GUCY2F: variants seen among roughly 807,000 people sequenced by gnomAD.
The protein encoded by GUCY2F is retinal guanylyl cyclase 2.
GUCY2F carries 61 observed loss-of-function variants against 73.1 expected under a neutral mutation model. That is an observed-to-expected ratio of 0.83 (90% CI 0.68 to 1.03). The LOEUF (loss-of-function observed/expected upper bound fraction) is 1.03, where lower values mean the gene tolerates loss of function less well. Ranked by LOEUF, GUCY2F falls within the 50% of genes least tolerant of loss-of-function variation. The pLI, the probability that GUCY2F is intolerant of heterozygous loss-of-function variation, is 0.00. For missense variants in GUCY2F, 912 were observed against 854.3 expected (o/e 1.07, Z -0.84); for synonymous variants, 331 against 307.8 (o/e 1.08, Z -0.79).
chrX:109,374,029 T>C lies in GUCY2F; in HGVS notation c.*2-1030A>G, dbSNP rs141560492. Among the ~76,000 whole-genome samples the C allele has an allele frequency of 4.2e-3, 471 of 112,332 alleles. 1 individual carries two copies. Among genetic ancestry groups the C allele is most frequent in the African/African-American group, 0.015 (459 of 30,933 alleles). The stretch of plus-strand genomic sequence containing the variant: ...TTTCAAGTTTTTCCTCAACATCTCT[T>C]ATGATGGTGGCAGCAAGTCAGTGGC... On this transcript the variant is annotated intron_variant, in intron 19 of 19. Transcript: ENST00000218006.
At position 109,388,507 on chromosome X, in the gene GUCY2F, G is replaced by A. The variant is rs767389454; in HGVS notation, c.2938C>T (p.Arg980Ter). 3.3e-5 allele frequency: 40 copies of A among 1,203,580 alleles called. No individual in the cohort carries two copies. Among genetic ancestry groups the A allele is most frequent in the Non-Finnish European group, 9.0e-6 (8 of 890,406 alleles). Residue 980 changes from arginine to a stop codon, truncating the protein, a stop_gained, in exon 15 of 20, where the codon CGA (arginine) becomes TGA (stop). Transcript: ENST00000218006. LOFTEE classifies it high-confidence loss of function. ...RHMPEVPVRI[R>*]IGLHSGPVVA... ...TTATTACCTGAGTGAAGGCCAATTC[G>A]AATTCGGACCGGCACTTCTGGCATG...
chrX:109,414,023 C>G (rs2147262882), intron 8 of GUCY2F, among the ~76,000 whole-genome samples: 1 of 110,908 alleles, frequency 9.0e-6, no homozygotes, highest in South Asian at 3.9e-4. Context: ...GCAATCTCAG[C>G]TCACTGCCAC....
chrX:109,475,777 T>C lies in GUCY2F; in HGVS notation c.160A>G (p.Lys54Glu). The C allele has an allele frequency of 8.3e-7, 1 of 1,208,667 alleles. No individual in the cohort carries two copies. The highest frequency in any genetic ancestry group is 1.1e-6 in the Non-Finnish European group (1 of 893,048). Reference sequence around the variant, plus strand: ...GCCCAAGGGCCCACCACCCCTATCTTGTAGGGGAGTGTCCACACCTGCTGC... The same window carrying C: ...GCCCAAGGGCCCACCACCCCTATCTCGTAGGGGAGTGTCCACACCTGCTGC... The part of the protein sequence containing the change: ...LPQQVWTLPY[K>E]IGVVGPWACD... Residue 54 changes from lysine (K) to glutamate (E), a missense_variant, in exon 2 of 20, where the codon AAG becomes GAG. Transcript: ENST00000218006.
chrX:109,465,839 T>G (rs1202590989), intron 2 of GUCY2F, among the ~76,000 whole-genome samples: 1 of 112,340 alleles, frequency 8.9e-6, no homozygotes, highest in Admixed American at 9.4e-5. Flanking sequence ...GATAACAATA[T>G]ATACTTATGG....
At chrX:109,438,336 G>T (rs1931799140) in intron 7 of GUCY2F, among the ~76,000 whole-genome samples, 1 of 112,061 alleles carries the variant, frequency 8.9e-6, no homozygotes, top group South Asian at 3.7e-4. Flanking sequence ...TTTTATAAGA[G>T]CCTTAATATC....
At chrX:109,425,680 G>A (rs947129742) in intron 8 of GUCY2F, among the ~76,000 whole-genome samples, 1 of 109,699 alleles carries the variant, frequency 9.1e-6, no homozygotes, top group Non-Finnish European at 1.9e-5. Context: ...AGAGATAAAC[G>A]ACTACAAATT....
At chrX:109,433,569 G>A (rs780166134) in intron 7 of GUCY2F, among the ~76,000 whole-genome samples, 205 of 111,529 alleles carry the variant, frequency 1.8e-3, no homozygotes, top group African/African-American at 6.3e-3. Flanking sequence ...GTCTGTGTGA[G>A]TTCTACTTCA....
chrX:109,384,970 A>C (rs1014600595), intron 16 of GUCY2F, among the ~76,000 whole-genome samples: 1 of 111,911 alleles, frequency 8.9e-6, no homozygotes, highest in Non-Finnish European at 1.9e-5. Flanking sequence ...TAGAGAAAGA[A>C]AGGTACATGT....
chrX:109,429,138 G>A (rs578242572), intron 8 of GUCY2F, among the ~76,000 whole-genome samples: 21 of 112,204 alleles, frequency 1.9e-4, no homozygotes, highest in Non-Finnish European at 3.2e-4. Context: ...TTGGCTGGGC[G>A]CGGTGGCTCA....
At chrX:109,388,722 G>A (rs1275487266) in intron 14 of GUCY2F, 59 bp from the exon 15 acceptor site, 1 of 810,523 alleles carries the variant, frequency 1.2e-6, no homozygotes. Context: ...TTTTAGCACA[G>A]AGCTGTAAGG....
chrX:109,437,859 A>T, intron 7 of GUCY2F, among the ~76,000 whole-genome samples: 1 of 112,810 alleles, frequency 8.9e-6, no homozygotes. Context: ...ATTCCATTTG[A>T]CATTCAAAAG....
chrX:109,429,402 G>A (rs1289554127), intron 8 of GUCY2F, among the ~76,000 whole-genome samples: 2 of 91,304 alleles, frequency 2.2e-5, no homozygotes, highest in South Asian at 5.1e-4. Flanking sequence ...CAACAAGAGC[G>A]AAATTCCAGC....
chrX:109,479,940 C>T (rs902276228), intron 1 of GUCY2F, among the ~76,000 whole-genome samples: 1 of 111,501 alleles, frequency 9.0e-6, no homozygotes, highest in African/African-American at 3.3e-5. Context: ...GAAAAGCAAG[C>T]ATGTACCTCA....
intron 6 of GUCY2F, among the ~76,000 whole-genome samples, chrX:109,446,784 T>C (rs1352783924): frequency 1.8e-5 from 2 of 111,880 alleles, no homozygotes; most frequent in African/African-American, 3.3e-5. Flanking sequence ...TGGGATCTAA[T>C]TAAACTAAAG....
At chrX:109,467,278 A>G (rs750339815) in intron 2 of GUCY2F, among the ~76,000 whole-genome samples, 1 of 112,232 alleles carries the variant, frequency 8.9e-6, no homozygotes, top group East Asian at 2.8e-4. Context: ...GTTTGGTCAA[A>G]TTAGTATAGT....
At chrX:109,411,619 T>C (rs1194873368) in intron 8 of GUCY2F, among the ~76,000 whole-genome samples, 1 of 111,432 alleles carries the variant, frequency 9.0e-6, no homozygotes, top group Non-Finnish European at 1.9e-5. Flanking sequence ...AAAAGCACAT[T>C]TGGGGGTGGA....
intron 1 of GUCY2F, among the ~76,000 whole-genome samples, chrX:109,476,264 T>C (rs1932694119): frequency 9.0e-6 from 1 of 111,508 alleles, no homozygotes; most frequent in Admixed American, 9.5e-5. Flanking sequence ...CTCCTTCTCT[T>C]CCCCCACATT....
Position 109,392,880 on chromosome X carries a change from G to A in GUCY2F, c.2588+12C>T, listed in dbSNP as rs377052982. 1 of 1,092,586 alleles carries A rather than the reference G, an allele frequency of 9.2e-7. No homozygotes were observed. The highest frequency in any genetic ancestry group is 1.3e-6 in the Non-Finnish European group (1 of 790,269). The allele number at this position is 1,092,586 out of a possible 1,213,427, so 90.0% of individuals were successfully genotyped here. On this transcript the variant is annotated intron_variant, in intron 13 of 19. Coordinates refer to ENST00000218006, the MANE Select transcript of GUCY2F (RefSeq NM_001522.3). ...TTATAAGGATTCACACTCCTCAGGTGTTCTCACATACGGTGGTAGCATCTG... is the reference window on the plus strand; with the variant it reads ...TTATAAGGATTCACACTCCTCAGGTATTCTCACATACGGTGGTAGCATCTG...
At chrX:109,378,002 T>C (rs1291531089) in intron 17 of GUCY2F, among the ~76,000 whole-genome samples, 2 of 111,028 alleles carry the variant, frequency 1.8e-5, no homozygotes, top group Non-Finnish European at 3.8e-5. Context: ...ACAATTTTGC[T>C]AAAGGGAGAA....
Sources: allele counts gnomAD v4.1 joint callset (sites outside exome capture counted in the v4.1 genomes callset), GRCh38; gene constraint gnomAD v4.1.1; transcripts MANE v1.5; gene names NCBI Gene and HGNC (gene_info 2026-07-23, HGNC 2026-07-21).